ENOSF1: variants seen among roughly 807,000 people sequenced by gnomAD.
ENOSF1 encodes enolase superfamily member 1, also known as mitochondrial enolase superfamily member 1.
In ENOSF1, 73 loss-of-function variants were observed where a neutral mutation model predicts 68.2. That is an observed-to-expected ratio of 1.07 (90% CI 0.89 to 1.30). The LOEUF is 1.30. Ranked by LOEUF, ENOSF1 falls within the 50% of genes most tolerant of loss-of-function variation. The pLI is 0.00. For synonymous variants in ENOSF1, 223 were observed against 210.4 expected, an observed-to-expected ratio of 1.06 and a Z score of -0.52; for missense variants, 589 against 554.5, an observed-to-expected ratio of 1.06 and a Z score of -0.62.
At chr18:677,317 C>T (rs747769023) in intron 14 of ENOSF1, 28 bp downstream of exon 14, 1 of 1,587,220 alleles carries the variant, frequency 6.3e-7, no homozygotes, top group South Asian at 1.1e-5. Context: ...CCTACTGAAA[C>T]AGAAAGTATT....
rs745694489 is a variant in ENOSF1, at chr18:674,389, T to C, written c.1248A>G (p.Thr416=). ...YMPPKDPGYS[T]EMKEESVKKH... Reference sequence around the variant, plus strand: ...TCTTTACAGATTCCTCCTTCATTTCTGTTGAGTAGCCGGGATCCTATCAAA... The same window carrying C: ...TCTTTACAGATTCCTCCTTCATTTCCGTTGAGTAGCCGGGATCCTATCAAA... The change falls in exon 16 of 16, where the codon ACA becomes ACG. Residue 416 remains threonine, a synonymous_variant. Coordinates refer to ENST00000647584, the MANE Select transcript of ENOSF1 (RefSeq NM_017512.7). 6.2e-7 allele frequency: 1 copy of C among 1,612,322 alleles called. No individual in the cohort carries two copies. Among genetic ancestry groups the C allele is most frequent in the Non-Finnish European group, 8.5e-7 (1 of 1,179,418 alleles).
intron 9 of ENOSF1, among the ~76,000 whole-genome samples, chr18:686,621 T>C (rs2076631621): frequency 6.6e-6 from 1 of 152,148 alleles, no homozygotes; most frequent in South Asian, 2.1e-4. Flanking sequence ...TCTGTGGATG[T>C]CCAGCTGTTC....
chr18:691,287 G>T lies in ENOSF1; in HGVS notation c.424-11C>A. ...CAGCATCCTGGGATCCTGGCAACGT[G>T]ACAGGAGGGGAAGAGGCCTGAATCA... On this transcript the variant is annotated splice_polypyrimidine_tract_variant and intron_variant, in intron 5 of 15. Coordinates refer to ENST00000647584, the MANE Select transcript of ENOSF1 (RefSeq NM_017512.7). 6.2e-7 allele frequency: 1 copy of T among 1,609,900 alleles called. No individual in the cohort carries two copies. Among genetic ancestry groups the T allele is most frequent in the Non-Finnish European group, 8.5e-7 (1 of 1,176,734 alleles).
chr18:679,088 G>A (rs1269033048), intron 11 of ENOSF1, among the ~76,000 whole-genome samples: 6 of 152,176 alleles, frequency 3.9e-5, no homozygotes, highest in Admixed American at 1.3e-4. Flanking sequence ...GCTATTCGGA[G>A]TGGCTCATTG....
At chr18:675,271 G>A in intron 15 of ENOSF1, 50 bp downstream of exon 15, 1 of 1,400,556 alleles carries the variant, frequency 7.1e-7, no homozygotes, top group Admixed American at 1.9e-5. Context: ...GACAGGCGTG[G>A]CAGTGGCTGG....
At chr18:675,714 C>A (rs1568009906) in intron 14 of ENOSF1, among the ~76,000 whole-genome samples, 1 of 152,134 alleles carries the variant, frequency 6.6e-6, no homozygotes, top group Non-Finnish European at 1.5e-5. Context: ...TTCCTCTGGT[C>A]AAAAGTCAGA....
At chr18:665,449 T>G, downstream of ENOSF1, among the ~76,000 whole-genome samples, 1 of 150,454 alleles carries the variant, frequency 6.6e-6, no homozygotes, top group East Asian at 2.0e-4. Flanking sequence ...ATTTTGTTGA[T>G]CCTTTCAAAA....
chr18:708,024 T>TATGACCCACCACTATGACCAC (rs2079122111), intron 1 of ENOSF1, among the ~76,000 whole-genome samples: 1 of 28,172 alleles, frequency 3.5e-5, no homozygotes, highest in African/African-American at 1.1e-4. Flanking sequence ...TATGACCAGC[T>TATGACCCACCACTATGACCAC]TTTTTTTTTT....
rs1471949206 is a variant in ENOSF1 at position 703,751 on chromosome 18, C to T, written c.193+2719G>A. 2.0e-5 allele frequency among the ~76,000 whole-genome samples: 3 copies of T among 152,304 alleles called. No homozygotes were observed. The East Asian group carries it at 5.8e-4, about 29-fold the overall frequency. On this transcript the variant is annotated intron_variant, in intron 2 of 15. Transcript: ENST00000647584. Reference sequence around the variant, plus strand: ...AAGTTACCCCCTGAGATGGTTTAGACATTCTGCACAAATTTCATGTTGAAG... The same window carrying T: ...AAGTTACCCCCTGAGATGGTTTAGATATTCTGCACAAATTTCATGTTGAAG...
In ENOSF1 at chr18:671,177, C is replaced by A. The variant is rs923583976; in HGVS notation, c.*3128G>T. The A allele has an allele frequency of 4.9e-6, 3 of 612,204 alleles. No homozygotes were observed. Among genetic ancestry groups the A allele is most frequent in the Non-Finnish European group, 8.6e-6 (3 of 348,818 alleles). The allele number at this position is 612,204 out of a possible 1,614,324, so 37.9% of individuals were successfully genotyped here. A position where few individuals can be genotyped will look rare whatever the true frequency, so the allele number is the denominator to read the frequency against. On this transcript the variant is annotated 3_prime_UTR_variant, in exon 16 of 16. Transcript: ENST00000647584. ...ATCCCAGCACTTTGGGAGACTGAGA[C>A]AGGAGCAATTGCTTGAGGTCTGGAG...
At chr18:663,405 T>G in the ENOSF1 span, among the ~76,000 whole-genome samples, 1 of 102,652 alleles carries the variant, frequency 9.7e-6, no homozygotes, top group Non-Finnish European at 1.8e-5. Flanking sequence ...CATTGTAGAT[T>G]CTGGATATTA....
intron 6 of ENOSF1, 37 bp from the exon 7 acceptor site, chr18:691,143 A>C (rs764796756): frequency 9.9e-6 from 16 of 1,613,854 alleles, no homozygotes; most frequent in Non-Finnish European, 1.3e-5. Flanking sequence ...CTCTTTTAGG[A>C]AACAAAGCAT....
intron 8 of ENOSF1, among the ~76,000 whole-genome samples, chr18:690,173 G>A (rs1311399869): frequency 2.0e-5 from 3 of 152,032 alleles, no homozygotes; most frequent in Middle Eastern, 3.2e-3. Flanking sequence ...CCTGAATTCC[G>A]TGAGCCATTC....
At chr18:708,667 A>AT (rs1393204598) in intron 1 of ENOSF1, among the ~76,000 whole-genome samples, 1 of 152,120 alleles carries the variant, frequency 6.6e-6, no homozygotes, top group African/African-American at 2.4e-5. Flanking sequence ...TGAAGACAGA[A>AT]TGTGAGCTGG....
chr18:668,728 GTT>G (rs1026086956), downstream of ENOSF1, among the ~76,000 whole-genome samples: 3 of 152,240 alleles, frequency 2.0e-5, no homozygotes, highest in African/African-American at 7.2e-5. Context: ...TAGAGCCTAA[GTT>G]TGCGAGGAGC....
At chr18:688,434 C>A in intron 9 of ENOSF1, 140 bp downstream of exon 9, 1 of 1,032,118 alleles carries the variant, frequency 9.7e-7, no homozygotes, top group Non-Finnish European at 1.4e-6. Context: ...TAAGGGGAAA[C>A]TTCTCTTATG....
At chr18:712,210 C>A in intron 1 of ENOSF1, 1 of 1,447,188 alleles carries the variant, frequency 6.9e-7, no homozygotes, top group Non-Finnish European at 9.3e-7. Flanking sequence ...GATACTTATA[C>A]AATTGCTCCA....
rs753251380 is a variant in ENOSF1, at chr18:712,579, G to C, written c.9C>G (p.Arg3=). The C allele has an allele frequency of 6.5e-7, 1 of 1,537,132 alleles. No homozygotes were observed. The highest frequency in any genetic ancestry group is 1.4e-5 in the African/African-American group (1 of 73,010). ...GGACCGAGAGCCGGGAGATCCTGCC[G>C]CGCACCATGGCCCCTGCGCCCCGTG... MV[R]GRISRLSVRD... The change falls in exon 1 of 16, where the codon CGC becomes CGG. Residue 3 remains arginine (R), a synonymous_variant. Transcript: ENST00000647584.
chr18:693,657 A>AC (rs2077429981), intron 5 of ENOSF1: 2 of 984,658 alleles, frequency 2.0e-6, no homozygotes, highest in Non-Finnish European at 2.4e-6. Flanking sequence ...GGGAGGCAGG[A>AC]CCCCCTCACT....
Sources: gnomAD v4.1 joint callset for allele counts (sites outside exome capture counted in the v4.1 genomes callset) on GRCh38, gnomAD v4.1.1 for gene constraint, MANE v1.5 for transcripts, NCBI Gene and HGNC (gene_info 2026-07-23, HGNC 2026-07-21) for gene names.